The following UBE3C variants were observed in gnomAD, a reference collection of about 807,000 sequenced individuals.
UBE3C encodes the protein ubiquitin-protein ligase E3C.
Under a neutral mutation model 129.4 loss-of-function variants are expected in UBE3C, and 42 were observed. The ratio of observed to expected loss-of-function variants is 0.32; its 90% CI spans 0.25 to 0.42. The LOEUF (loss-of-function observed/expected upper bound fraction) is 0.42, where lower values mean the gene tolerates loss of function less well. Ranked by LOEUF, UBE3C falls within the 10% of genes least tolerant of loss-of-function variation. The pLI is 1.00. For missense variants in UBE3C, 1,049 were observed against 1,319.1 expected (o/e 0.80, Z 3.17); for synonymous variants, 510 against 492.4 (o/e 1.04, Z -0.47).
intron 18 of UBE3C, among the ~76,000 whole-genome samples, chr7:157,246,290 A>AACT (rs1796474932): frequency 6.6e-6 from 1 of 152,212 alleles, no homozygotes; most frequent in African/African-American, 2.4e-5. Context: ...GTGACTAAGC[A>AACT]AAGGACTCAC....
At chr7:157,159,059 T>C (rs1359129826) in intron 1 of UBE3C, among the ~76,000 whole-genome samples, 1 of 152,246 alleles carries the variant, frequency 6.6e-6, no homozygotes, top group Non-Finnish European at 1.5e-5. Flanking sequence ...CTTAATTCTC[T>C]AGCCTTGTGA....
At chr7:157,214,624 A>G (rs143528026) in intron 13 of UBE3C, among the ~76,000 whole-genome samples, 502 of 152,348 alleles carry the variant, frequency 3.3e-3, no homozygotes, top group Non-Finnish European at 3.6e-3. Context: ...AATTGGTCAC[A>G]AAAATGGAAA....
In UBE3C at chr7:157,216,877, A is replaced by G. The variant is rs774192468; in HGVS notation, c.1820A>G (p.Asn607Ser). Residue 607 changes from asparagine (N) to serine (S), a missense_variant, in exon 14 of 23, where the codon AAT becomes AGT. Coordinates refer to ENST00000348165, the MANE Select transcript of UBE3C (RefSeq NM_014671.3). ...RWIQLFKVIT[N>S]LVKMLKSRDT... is the part of the protein sequence containing the mutation. ...GTTCTTTCTTTTCAGGTTATCACCA[A>G]TCTAGTGAAAATGTTGAAGTCCAGA... is the stretch of plus-strand genomic sequence containing the variant. 7 of 1,613,778 alleles carry G rather than the reference A, an allele frequency of 4.3e-6. No homozygotes were observed. In the Admixed American group the frequency reaches 1.0e-4, roughly 23 times the overall value.
intron 1 of UBE3C, among the ~76,000 whole-genome samples, chr7:157,144,966 AAG>A (rs573196627): frequency 3.1e-4 from 47 of 152,294 alleles, no homozygotes; most frequent in African/African-American, 1.1e-3. Context: ...CGTTATACAG[AAG>A]AGTGTCATTG....
intron 17 of UBE3C, among the ~76,000 whole-genome samples, chr7:157,229,772 G>A (rs974928027): frequency 6.6e-5 from 10 of 151,898 alleles, no homozygotes; most frequent in African/African-American, 2.2e-4. Flanking sequence ...ATACCACCAT[G>A]CCCAGCTTTT....
At chr7:157,198,213 T>G (rs184661600) in intron 10 of UBE3C, 20 of 1,536,618 alleles carry the variant, frequency 1.3e-5, no homozygotes, top group Admixed American at 5.0e-5. Context: ...TTCAGACCGC[T>G]TACAAAAGGA....
At chr7:157,144,601 G>A (rs1026197948) in intron 1 of UBE3C, among the ~76,000 whole-genome samples, 3 of 152,104 alleles carry the variant, frequency 2.0e-5, no homozygotes, top group South Asian at 4.1e-4. Flanking sequence ...TTTGTAGACC[G>A]GAGGAACTGA....
At chr7:157,237,417 G>C (rs1354875596) in intron 18 of UBE3C, among the ~76,000 whole-genome samples, 1 of 152,114 alleles carries the variant, frequency 6.6e-6, no homozygotes. Context: ...CTCCAGCCTG[G>C]GCGACAGAGC....
Position 157,182,242 on chromosome 7 carries a change from T to C in UBE3C, c.905T>C (p.Leu302Ser). Residue 302 changes from leucine to serine, a missense_variant, in exon 8 of 23, where the codon TTG becomes TCG. Leu to Ser is a moderately radical substitution (Grantham distance 145). Transcript: ENST00000348165. ...FPYEPFLNAL[L>S]LIESRCSRKS... ...TACGAGCCCTTTCTGAATGCACTGT[T>C]GTTAATAGAGAGTAGATGTTCAAGA... The C allele has an allele frequency of 6.2e-7, 1 of 1,614,238 alleles. No individual in the cohort carries two copies.
chr7:157,140,724 A>AC (rs1245573161), intron 1 of UBE3C, among the ~76,000 whole-genome samples: 1 of 151,978 alleles, frequency 6.6e-6, no homozygotes, highest in Non-Finnish European at 1.5e-5. Context: ...AGGCAGGAAC[A>AC]CCCCACGGGC....
At chr7:157,213,514 A>G (rs1337807641) in intron 13 of UBE3C, among the ~76,000 whole-genome samples, 1 of 152,218 alleles carries the variant, frequency 6.6e-6, no homozygotes, top group Non-Finnish European at 1.5e-5. Context: ...TAGTCACTTT[A>G]TGTGATTTGG....
Position 157,139,400 on chromosome 7 carries a change from G to GGGACTCGGGGTTGGACTCGGGGTT in UBE3C, c.66+72_66+73insTTGGACTCGGGGTTGGACTCGGGG, listed in dbSNP as rs200844106. On this transcript the variant is annotated intron_variant, in intron 1 of 22. Transcript: ENST00000348165. ...GCCTGCGCGGCCGGGGCTCGGGGCT[G>GGGACTCGGGGTTGGACTCGGGGTT]GGACTCGGGGCTGGACTCGGGGCTG... 8.4e-6 allele frequency: 10 copies of GGGACTCGGGGTTGGACTCGGGGTT among 1,186,934 alleles called. 1 individual carries two copies. The South Asian group carries it at 1.2e-4, about 14-fold the overall frequency. The allele number at this position is 1,186,934 out of a possible 1,614,324, so 73.5% of individuals were successfully genotyped here. A position where few individuals can be genotyped will look rare whatever the true frequency, so the allele number is the denominator to read the frequency against.
At chr7:157,213,891 A>G (rs1046791980) in intron 13 of UBE3C, among the ~76,000 whole-genome samples, 1 of 152,246 alleles carries the variant, frequency 6.6e-6, no homozygotes, top group Non-Finnish European at 1.5e-5. Flanking sequence ...GTTATGTCCC[A>G]TGCAATATTG....
intron 19 of UBE3C, among the ~76,000 whole-genome samples, chr7:157,253,587 A>G (rs1000836653): frequency 1.3e-5 from 2 of 152,178 alleles, no homozygotes; most frequent in Non-Finnish European, 2.9e-5. Context: ...CTCCAGAATG[A>G]GTCGCTTTTT....
chr7:157,140,172 A>T (rs556668655), intron 1 of UBE3C, among the ~76,000 whole-genome samples: 2 of 79,928 alleles, frequency 2.5e-5, no homozygotes, highest in Admixed American at 1.6e-4. Flanking sequence ...CTCCCTTCCC[A>T]CCCCTTCCCA....
At chr7:157,181,782 T>C in intron 7 of UBE3C, 111 bp downstream of exon 7, 1 of 1,363,126 alleles carries the variant, frequency 7.3e-7, no homozygotes, top group Non-Finnish European at 1.0e-6. Context: ...AGGTTTTTAC[T>C]TTATTAGTGT....
chr7:157,248,725 A>G (rs1584820426), intron 19 of UBE3C, 145 bp downstream of exon 19: 6 of 849,200 alleles, frequency 7.1e-6, no homozygotes, highest in Middle Eastern at 3.6e-4. Context: ...GTCGAAGCAT[A>G]TAGCTCCAAA....
chr7:157,180,266 T>C (rs1009556611), intron 6 of UBE3C, among the ~76,000 whole-genome samples: 1 of 152,256 alleles, frequency 6.6e-6, no homozygotes, highest in African/African-American at 2.4e-5. Flanking sequence ...ACAGAACCTT[T>C]GTCATGTTGT....
intron 1 of UBE3C, among the ~76,000 whole-genome samples, chr7:157,153,769 G>A (rs1014578288): frequency 6.6e-6 from 1 of 152,108 alleles, no homozygotes; most frequent in Non-Finnish European, 1.5e-5. Context: ...TTGAGCCCAG[G>A]AGTTCCAGAT....
Sources: gnomAD v4.1 joint callset for allele counts (sites outside exome capture counted in the v4.1 genomes callset) on GRCh38, gnomAD v4.1.1 for gene constraint, MANE v1.5 for transcripts, NCBI Gene and HGNC (gene_info 2026-07-23, HGNC 2026-07-21) for gene names.